The following ASIC2 variants were observed in gnomAD, a reference collection of about 807,000 sequenced individuals.
The protein encoded by ASIC2 is acid-sensing ion channel 2.
Under a neutral mutation model 57.3 loss-of-function variants are expected in ASIC2, and 25 were observed. The observed-to-expected ratio is 0.44, with a 90% CI of 0.32 to 0.61. ASIC2 has a LOEUF of 0.61. Ranked by LOEUF, ASIC2 falls within the 20% of genes least tolerant of loss-of-function variation. The pLI is 0.06. For synonymous variants in ASIC2, 319 were observed against 307.5 expected (o/e 1.04, Z -0.39); for missense variants, 641 against 738.1 (o/e 0.87, Z 1.52).
chr17:33,398,332 C>T lies in ASIC2; in HGVS notation c.556-286265G>A, dbSNP rs970606382. ...GAGTGAATTAATAAATAAAAGAGCACGGGTTAACACAATGTAAGTTTCAGA... is the reference window on the plus strand; with the variant it reads ...GAGTGAATTAATAAATAAAAGAGCATGGGTTAACACAATGTAAGTTTCAGA... On this transcript the variant is annotated intron_variant, in intron 1 of 9. Coordinates refer to the ASIC2 transcript ENST00000359872. Among the ~76,000 whole-genome samples the T allele has an allele frequency of 4.6e-5, 7 of 152,196 alleles. No individual in the cohort carries two copies. In the South Asian group the frequency reaches 6.2e-4, roughly 14 times the overall value.
At chr17:33,902,643 G>A (rs568692965) in intron 1 of ASIC2, among the ~76,000 whole-genome samples, 1 of 152,262 alleles carries the variant, frequency 6.6e-6, no homozygotes, top group African/African-American at 2.4e-5. Flanking sequence ...TCAGTCTAGG[G>A]AGTTAACGGG....
intron 1 of ASIC2, among the ~76,000 whole-genome samples, chr17:33,507,813 G>C (rs563752866): frequency 1.3e-5 from 2 of 152,206 alleles, no homozygotes; most frequent in Non-Finnish European, 2.9e-5. Context: ...GCTGAGGCAG[G>C]AGAATTGCTT....
intron 1 of ASIC2, among the ~76,000 whole-genome samples, chr17:33,113,716 C>T (rs1352350919): frequency 6.6e-6 from 1 of 152,264 alleles, no homozygotes; most frequent in East Asian, 1.9e-4. Flanking sequence ...TCTGTTATCT[C>T]ATTTAACTCT....
At chr17:33,176,015 A>G (rs1044986146) in intron 1 of ASIC2, among the ~76,000 whole-genome samples, 2 of 152,052 alleles carry the variant, frequency 1.3e-5, no homozygotes, top group African/African-American at 4.8e-5. Context: ...AATGATCCCC[A>G]CAAAGATGCC....
At chr17:33,103,809 A>G (rs901542967) in intron 2 of ASIC2, among the ~76,000 whole-genome samples, 2 of 152,132 alleles carry the variant, frequency 1.3e-5, no homozygotes, top group African/African-American at 4.8e-5. Context: ...CACCTCACCC[A>G]TGCCCTCAGC....
At chr17:33,277,355 C>T (rs146125398) in intron 1 of ASIC2, among the ~76,000 whole-genome samples, 2 of 152,298 alleles carry the variant, frequency 1.3e-5, no homozygotes, top group African/African-American at 2.4e-5. Flanking sequence ...TCAGAACCGA[C>T]CTGGCTTTGG....
At chr17:33,496,610 T>G (rs1191806208) in intron 1 of ASIC2, among the ~76,000 whole-genome samples, 1 of 76,588 alleles carries the variant, frequency 1.3e-5, no homozygotes, top group East Asian at 3.4e-4. Context: ...TAGGTTTTTT[T>G]TTTTTTTTTT....
At chr17:33,088,574 AT>A (rs200724635) in intron 3 of ASIC2, among the ~76,000 whole-genome samples, 27 of 151,776 alleles carry the variant, frequency 1.8e-4, no homozygotes, top group African/African-American at 5.3e-4. Flanking sequence ...AAAAAAAAAA[AT>A]TTTTTTTAAA....
chr17:33,312,143 T>A (rs1165297609), intron 1 of ASIC2, among the ~76,000 whole-genome samples: 1 of 152,158 alleles, frequency 6.6e-6, no homozygotes, highest in Non-Finnish European at 1.5e-5. Context: ...TAATGTGGAG[T>A]TAATAATATT....
intron 1 of ASIC2, among the ~76,000 whole-genome samples, chr17:33,275,286 C>T (rs1359779088): frequency 1.3e-5 from 2 of 152,174 alleles, no homozygotes; most frequent in Non-Finnish European, 2.9e-5. Flanking sequence ...GTTGTCCTCT[C>T]CTGGATGGGG....
intron 1 of ASIC2, among the ~76,000 whole-genome samples, chr17:33,202,818 C>T (rs1407804068): frequency 6.6e-6 from 1 of 152,074 alleles, no homozygotes; most frequent in Non-Finnish European, 1.5e-5. Flanking sequence ...GTGGGGGTGA[C>T]CTTCATTGGC....
chr17:33,607,328 G>A (rs2142013292), intron 1 of ASIC2, among the ~76,000 whole-genome samples: 1 of 152,248 alleles, frequency 6.6e-6, no homozygotes, highest in East Asian at 1.9e-4. Context: ...CCCTGAGGGT[G>A]TAAGGCAGGG....
At chr17:34,121,192 C>T (rs1911609968) in intron 1 of ASIC2, among the ~76,000 whole-genome samples, 1 of 152,198 alleles carries the variant, frequency 6.6e-6, no homozygotes, top group African/African-American at 2.4e-5. Flanking sequence ...AAGGATCCTC[C>T]AGCCTTGAAG....
chr17:33,410,553 C>T (rs1241003588), intron 1 of ASIC2, among the ~76,000 whole-genome samples: 1 of 152,212 alleles, frequency 6.6e-6, no homozygotes, highest in African/African-American at 2.4e-5. Flanking sequence ...AGCCCCATGC[C>T]TGTGGCTCGT....
chr17:34,038,006 G>T, intron 1 of ASIC2: 1 of 1,613,426 alleles, frequency 6.2e-7, no homozygotes, highest in Non-Finnish European at 8.5e-7. Context: ...ACACTCTGGT[G>T]GTAAATACCA....
intron 1 of ASIC2, among the ~76,000 whole-genome samples, chr17:33,925,711 C>T (rs928746984): frequency 2.6e-5 from 4 of 152,202 alleles, no homozygotes; most frequent in African/African-American, 9.7e-5. Context: ...TTCTGGGTGT[C>T]TACTTTCCAA....
chr17:33,423,018 T>C (rs191411186), intron 1 of ASIC2, among the ~76,000 whole-genome samples: 1 of 152,236 alleles, frequency 6.6e-6, no homozygotes, highest in African/African-American at 2.4e-5. Context: ...GCCATGGCCA[T>C]CTGAGATGCT....
intron 1 of ASIC2, among the ~76,000 whole-genome samples, chr17:34,089,037 C>T (rs1488814888): frequency 6.6e-6 from 1 of 152,224 alleles, no homozygotes; most frequent in Non-Finnish European, 1.5e-5. Context: ...CAGTGCGCTG[C>T]ACCCACTGAC....
In ASIC2 at chr17:33,596,878, CA is replaced by C. The variant is rs564241820; in HGVS notation, c.556-484812del. ...GAGCGGGTACATAGACTCCGTTTGA[CA>C]GATGAGAAAAGAGTACTCCAGAGAG... On this transcript the variant is annotated intron_variant, in intron 1 of 9. Transcript: ENST00000359872. Among the ~76,000 whole-genome samples the C allele has an allele frequency of 1.9e-4, 29 of 152,342 alleles. No homozygotes were observed. In the East Asian group the frequency reaches 5.0e-3, roughly 26 times the overall value.
Sources: allele counts gnomAD v4.1 joint callset (sites outside exome capture counted in the v4.1 genomes callset), GRCh38; gene constraint gnomAD v4.1.1; transcripts MANE v1.5; gene names NCBI Gene and HGNC (gene_info 2026-07-23, HGNC 2026-07-21).